VPS41: variants seen among roughly 807,000 people sequenced by gnomAD.
VPS41 encodes vacuolar protein sorting-associated protein 41 homolog.
A neutral mutation model predicts 130.9 loss-of-function variants in VPS41; 85 were observed. That is an observed-to-expected ratio of 0.65 (90% confidence interval 0.55 to 0.78). The LOEUF is 0.78. VPS41 is among the 30% of genes least tolerant of loss of function. VPS41 has a pLI of 0.00. For synonymous variants in VPS41, 335 were observed against 332.9 expected (o/e 1.01, Z -0.07); for missense variants, 874 against 1,018.7 (o/e 0.86, Z 1.93).
intron 20 of VPS41, 54 bp downstream of exon 20, chr7:38,754,841 A>G: frequency 6.3e-7 from 1 of 1,586,874 alleles, no homozygotes; most frequent in South Asian, 1.1e-5. Flanking sequence ...CTTCACAGCT[A>G]TAGGAGTCCC....
At chr7:38,803,552 G>C (rs191876813) in intron 7 of VPS41, among the ~76,000 whole-genome samples, 3 of 152,264 alleles carry the variant, frequency 2.0e-5, no homozygotes, top group Non-Finnish European at 4.4e-5. Context: ...ATAAAATAGA[G>C]AAATAGAGAA....
chr7:38,826,814 TTATA>T lies in VPS41; in HGVS notation c.321+3436_321+3439del, dbSNP rs1224368352. Among the ~76,000 whole-genome samples the T allele has an allele frequency of 4.6e-5, 7 of 152,240 alleles. No homozygotes were observed. The East Asian group carries it at 9.6e-4, about 21-fold the overall frequency. ...TAGTAATTTTTGTTTATTTATTTAT[TTATA>T]TTTTTATTTTCTTTTTTTGAGATGG... On this transcript the variant is annotated intron_variant, in intron 5 of 28. Coordinates refer to ENST00000310301, the MANE Select transcript of VPS41 (RefSeq NM_014396.4).
chr7:38,741,470 G>T, intron 25 of VPS41: 1 of 205,902 alleles, frequency 4.9e-6, no homozygotes, highest in Non-Finnish European at 1.1e-5. Flanking sequence ...TAATAAAGTT[G>T]CACTATTCTA....
At chr7:38,860,877 T>G (rs1786093392) in intron 4 of VPS41, among the ~76,000 whole-genome samples, 1 of 151,934 alleles carries the variant, frequency 6.6e-6, no homozygotes, top group South Asian at 2.1e-4. Context: ...AAAGAGAACT[T>G]TCAAAAACAG....
chr7:38,752,405 T>C (rs756325399), intron 21 of VPS41, 92 bp from the exon 22 acceptor site: 79 of 1,479,806 alleles, frequency 5.3e-5, no homozygotes, highest in Middle Eastern at 2.1e-4. Flanking sequence ...ACACCTCCCA[T>C]GGACAGGTTG....
rs1303347932 is a variant in VPS41 at position 38,741,620 on chromosome 7, TC to T, written c.2259+364del. Among the ~76,000 whole-genome samples the T allele has an allele frequency of 7.9e-5, 12 of 152,324 alleles. No individual in the cohort carries two copies. In the South Asian group the frequency reaches 2.5e-3, roughly 32 times the overall value. On this transcript the variant is annotated intron_variant, in intron 25 of 28. Coordinates refer to ENST00000310301, the MANE Select transcript of VPS41 (RefSeq NM_014396.4). ...CCTCAAACGGATACAATACTTATTC[TC>T]CCTAAAAATGTTGGGGTGGCCCGAT...
intron 4 of VPS41, among the ~76,000 whole-genome samples, chr7:38,850,266 C>A (rs935683720): frequency 1.3e-5 from 2 of 152,108 alleles, no homozygotes; most frequent in Admixed American, 1.3e-4. Flanking sequence ...TTCACATTTC[C>A]CTTATTATTC....
rs1787160874 is a variant in VPS41, at chr7:38,902,233, G to A, written c.22-4104C>T. The stretch of plus-strand genomic sequence containing the variant: ...CCCTCCTCAAACAACCCTCAGTAGT[G>A]CTCCAGCCTGAAGAATAGCTTTCAG... On this transcript the variant is annotated intron_variant, in intron 1 of 28. Coordinates refer to ENST00000310301, the MANE Select transcript of VPS41 (RefSeq NM_014396.4). Among the ~76,000 whole-genome samples the A allele has an allele frequency of 2.0e-5, 3 of 152,078 alleles. No homozygotes were observed. In the South Asian group the frequency reaches 6.2e-4, roughly 32 times the overall value.
chr7:38,866,452 C>T (rs961445205), intron 3 of VPS41, among the ~76,000 whole-genome samples: 3 of 152,138 alleles, frequency 2.0e-5, no homozygotes, highest in Non-Finnish European at 4.4e-5. Flanking sequence ...CAGGACTTAG[C>T]AAATGGCTGG....
At chr7:38,728,321 G>T in intron 27 of VPS41, 1 of 693,842 alleles carries the variant, frequency 1.4e-6, no homozygotes, top group Admixed American at 2.1e-5. Flanking sequence ...CAATAAGCCT[G>T]CCAGGTGACG....
At chr7:38,815,566 C>CA (rs1785031391) in intron 7 of VPS41, among the ~76,000 whole-genome samples, 1 of 152,138 alleles carries the variant, frequency 6.6e-6, no homozygotes, top group Non-Finnish European at 1.5e-5. Context: ...TTGAAGGATG[C>CA]AAAGTATTGC....
chr7:38,899,766 A>G (rs925812503), intron 1 of VPS41, among the ~76,000 whole-genome samples: 2 of 152,234 alleles, frequency 1.3e-5, no homozygotes, highest in African/African-American at 4.8e-5. Flanking sequence ...CAAGGCTTTG[A>G]TAACTATGCC....
rs572577819 is a variant in VPS41, at chr7:38,888,947, G to A, written c.60+9144C>T. On this transcript the variant is annotated intron_variant, in intron 2 of 28. Transcript: ENST00000310301. Reference sequence around the variant, plus strand: ...GACTACTGGGGAACATCACACACTGGGGCCTGTGGGGGGTGGGGGGCTAGG... The same window carrying A: ...GACTACTGGGGAACATCACACACTGAGGCCTGTGGGGGGTGGGGGGCTAGG... Among the ~76,000 whole-genome samples the A allele has an allele frequency of 2.6e-5, 4 of 151,544 alleles. No homozygotes were observed. The South Asian group carries it at 8.4e-4, about 32-fold the overall frequency.
intron 15 of VPS41, 64 bp from the exon 16 acceptor site, chr7:38,765,725 G>T: frequency 9.7e-7 from 1 of 1,030,466 alleles, no homozygotes; most frequent in Non-Finnish European, 1.4e-6. Flanking sequence ...AACAAACAGA[G>T]ACAGAATAAG....
In VPS41 at chr7:38,896,464, G is replaced by A. The variant is rs1033896760; in HGVS notation, c.60+1627C>T. On this transcript the variant is annotated intron_variant, in intron 2 of 28. Transcript: ENST00000310301. ...AACAAGCTTGTCCAACCCATGGCCC[G>A]CAGGCCACATATGGCCTAGGATGGC... Among the ~76,000 whole-genome samples the A allele has an allele frequency of 5.3e-5, 8 of 152,300 alleles. No homozygotes were observed. The East Asian group carries it at 5.8e-4, about 11-fold the overall frequency.
intron 25 of VPS41, among the ~76,000 whole-genome samples, chr7:38,739,284 T>A (rs188505748): frequency 6.6e-6 from 1 of 152,190 alleles, no homozygotes; most frequent in South Asian, 2.1e-4. Context: ...TTCCTGGAAA[T>A]TGATGAACAT....
intron 1 of VPS41, among the ~76,000 whole-genome samples, chr7:38,907,279 T>C (rs907012605): frequency 1.3e-5 from 2 of 152,022 alleles, no homozygotes; most frequent in African/African-American, 4.8e-5. Context: ...AAAGAGGCCC[T>C]GAGATAGGAA....
intron 9 of VPS41, 102 bp from the exon 10 acceptor site, chr7:38,789,969 T>C: frequency 2.6e-6 from 3 of 1,140,836 alleles, no homozygotes; most frequent in Non-Finnish European, 2.6e-6. Context: ...CTTGTAGCAC[T>C]GCAGATGGAG....
At chr7:38,793,621 T>A (rs1490710353) in intron 9 of VPS41, among the ~76,000 whole-genome samples, 1 of 152,190 alleles carries the variant, frequency 6.6e-6, no homozygotes, top group Non-Finnish European at 1.5e-5. Flanking sequence ...GATGTTGTTT[T>A]AAACATCTGT....
Sources: allele counts gnomAD v4.1 joint callset (sites outside exome capture counted in the v4.1 genomes callset), GRCh38; gene constraint gnomAD v4.1.1; transcripts MANE v1.5; gene names NCBI Gene and HGNC (gene_info 2026-07-23, HGNC 2026-07-21).